The following SLC30A8 variants were observed in gnomAD, a reference collection of about 807,000 sequenced individuals.
SLC30A8 encodes the protein solute carrier family 30 member 8, also known as proton-coupled zinc antiporter SLC30A8.
In SLC30A8, 27 loss-of-function variants were observed where a neutral mutation model predicts 36.9. That is an observed-to-expected ratio of 0.73 (90% CI 0.54 to 1.01). The LOEUF (loss-of-function observed/expected upper bound fraction) is 1.01, where lower values mean the gene tolerates loss of function less well. SLC30A8 is among the 50% of genes least tolerant of loss of function. SLC30A8 has a pLI of 0.00. For missense variants in SLC30A8, 439 were observed against 452.0 expected (o/e 0.97, Z 0.26); for synonymous variants, 164 against 172.4 (o/e 0.95, Z 0.38).
chr8:117,098,994 G>A (rs1441377348), intron 2 of SLC30A8, among the ~76,000 whole-genome samples: 1 of 152,148 alleles, frequency 6.6e-6, no homozygotes, highest in Non-Finnish European at 1.5e-5. Context: ...GATTGCATAT[G>A]GTTAAGAATA....
intron 1 of SLC30A8, among the ~76,000 whole-genome samples, chr8:117,137,009 T>G (rs934260603): frequency 5.3e-5 from 8 of 152,052 alleles, no homozygotes; most frequent in African/African-American, 1.9e-4. Context: ...ACAAATGCCT[T>G]TCTTGAGGTC....
chr8:117,018,645 G>C (rs1159260505), intron 1 of SLC30A8, among the ~76,000 whole-genome samples: 4 of 149,154 alleles, frequency 2.7e-5, no homozygotes, highest in Admixed American at 6.7e-5. Context: ...ACTGCGGCCT[G>C]TGGGCCAAAT....
chr8:116,999,275 A>G (rs1815925446), intron 1 of SLC30A8, among the ~76,000 whole-genome samples: 1 of 152,152 alleles, frequency 6.6e-6, no homozygotes. Flanking sequence ...AGAAAAAAAG[A>G]AAAAGAAACT....
chr8:117,159,084 G>C (rs926998450), intron 4 of SLC30A8, among the ~76,000 whole-genome samples: 3 of 152,188 alleles, frequency 2.0e-5, no homozygotes, highest in African/African-American at 7.2e-5. Context: ...GTGGCCTCTG[G>C]AAGCTAGAAA....
intron 6 of SLC30A8, among the ~76,000 whole-genome samples, chr8:117,167,504 T>TATATATATATATATAA (rs1491223080): frequency 7.0e-6 from 1 of 142,252 alleles, no homozygotes. Flanking sequence ...CATACATACA[T>TATATATATATATATAA]GTATATGTAT....
At chr8:117,092,304 T>C (rs1264350575) in intron 2 of SLC30A8, among the ~76,000 whole-genome samples, 1 of 151,960 alleles carries the variant, frequency 6.6e-6, no homozygotes, top group African/African-American at 2.4e-5. Context: ...TAAAGATAAA[T>C]AGCAAAATTA....
At chr8:117,110,355 C>T (rs1820172158) in intron 2 of SLC30A8, among the ~76,000 whole-genome samples, 1 of 152,042 alleles carries the variant, frequency 6.6e-6, no homozygotes, top group Non-Finnish European at 1.5e-5. Context: ...GGACTTCTTT[C>T]CAGCCCTGTG....
intron 1 of SLC30A8, among the ~76,000 whole-genome samples, chr8:116,995,611 A>G (rs1488365813): frequency 6.6e-6 from 1 of 152,094 alleles, no homozygotes; most frequent in Non-Finnish European, 1.5e-5. Flanking sequence ...CAGAGCCCAA[A>G]GGGGAGGCAC....
chr8:117,111,619 CT>C (rs1046178353), intron 2 of SLC30A8, among the ~76,000 whole-genome samples: 9 of 151,658 alleles, frequency 5.9e-5, no homozygotes, highest in East Asian at 1.9e-4. Context: ...CATTATGGGA[CT>C]TTTTTTTTCT....
intron 1 of SLC30A8, among the ~76,000 whole-genome samples, chr8:117,035,980 T>G (rs1563758278): frequency 2.0e-5 from 1 of 50,030 alleles, no homozygotes; most frequent in Non-Finnish European, 3.6e-5. Flanking sequence ...CCTCCTACTC[T>G]TCCAGGCTTG....
intron 2 of SLC30A8, among the ~76,000 whole-genome samples, chr8:117,117,612 T>C (rs1047427021): frequency 2.0e-5 from 3 of 152,006 alleles, no homozygotes; most frequent in Non-Finnish European, 4.4e-5. Context: ...GTAATTTATA[T>C]TGTAATGTTT....
chr8:117,139,854 T>A, intron 1 of SLC30A8, among the ~76,000 whole-genome samples: 1 of 134,734 alleles, frequency 7.4e-6, no homozygotes, highest in Admixed American at 7.6e-5. Flanking sequence ...TCAGACAACA[T>A]CTGGTAAAAA....
intron 2 of SLC30A8, among the ~76,000 whole-genome samples, chr8:117,060,813 A>AGGTTTATACCTGG (rs1206463672): frequency 6.6e-6 from 1 of 152,188 alleles, no homozygotes; most frequent in African/African-American, 2.4e-5. Flanking sequence ...GGTTTATAGC[A>AGGTTTATACCTGG]GGTTTCATTT....
intron 3 of SLC30A8, among the ~76,000 whole-genome samples, chr8:117,155,002 C>T (rs1214963060): frequency 1.3e-5 from 2 of 152,118 alleles, no homozygotes; most frequent in Non-Finnish European, 2.9e-5. Flanking sequence ...TTTTAAGCAG[C>T]CATGCATGAT....
At chr8:116,987,857 G>A (rs981954811) in intron 1 of SLC30A8, among the ~76,000 whole-genome samples, 1 of 152,034 alleles carries the variant, frequency 6.6e-6, no homozygotes, top group African/African-American at 2.4e-5. Flanking sequence ...CACCACGGCT[G>A]GCTAATTTCT....
chr8:116,957,520 C>T (rs894168545), intron 1 of SLC30A8, among the ~76,000 whole-genome samples: 3 of 152,174 alleles, frequency 2.0e-5, no homozygotes, highest in Non-Finnish European at 4.4e-5. Context: ...ATCTACCTGC[C>T]TTGGCCTCCC....
intron 6 of SLC30A8, among the ~76,000 whole-genome samples, chr8:117,165,586 TA>T (rs776887853): frequency 5.9e-5 from 9 of 152,256 alleles, no homozygotes; most frequent in Admixed American, 1.3e-4. Context: ...CTTGGAATAT[TA>T]AAGTATGTCA....
At chr8:117,129,623 A>G (rs1424890867) in intron 2 of SLC30A8, among the ~76,000 whole-genome samples, 1 of 152,006 alleles carries the variant, frequency 6.6e-6, no homozygotes, top group Non-Finnish European at 1.5e-5. Flanking sequence ...TCTTATATAT[A>G]TGTAATACCT....
rs531016645 is a variant in SLC30A8 at position 117,067,376 on chromosome 8, A to G, written c.-226+28118A>G. 2.0e-5 allele frequency among the ~76,000 whole-genome samples: 3 copies of G among 151,972 alleles called. No homozygotes were observed. The East Asian group carries it at 5.8e-4, about 29-fold the overall frequency. On this transcript the variant is annotated intron_variant, in intron 2 of 10. Coordinates refer to the SLC30A8 transcript ENST00000427715. ...TTTCGTTTTTTTTTTTAATCTCTGA[A>G]AGATTTCTTACTGCCATATCACCAT...
Sources: gnomAD v4.1 joint callset for allele counts (sites outside exome capture counted in the v4.1 genomes callset) on GRCh38, gnomAD v4.1.1 for gene constraint, MANE v1.5 for transcripts, NCBI Gene and HGNC (gene_info 2026-07-23, HGNC 2026-07-21) for gene names.